Variants in PCDHGB5 observed in about 807,000 individuals in gnomAD.
The protein encoded by PCDHGB5 is protocadherin gamma subfamily B, 5.
Under a neutral mutation model 62.9 loss-of-function variants are expected in PCDHGB5, and 48 were observed. The observed-to-expected ratio is 0.76, with a 90% confidence interval of 0.61 to 0.97. PCDHGB5 has a LOEUF of 0.97. PCDHGB5 is among the 50% of genes least tolerant of loss of function. The probability of loss-of-function intolerance (pLI) is 0.00; values close to 1 mark genes in which losing one functional copy is unlikely to be tolerated. For missense variants in PCDHGB5, 1,118 were observed against 1,198.6 expected (o/e 0.93, Z 0.99); for synonymous variants, 474 against 511.2 (o/e 0.93, Z 0.98).
intron 1 of PCDHGB5, chr5:141,409,926 T>G: frequency 6.2e-7 from 1 of 1,613,344 alleles, no homozygotes; most frequent in Non-Finnish European, 8.5e-7. Flanking sequence ...TCCGCGTTCT[T>G]CGATATGGTA....
chr5:141,485,106 T>C lies in PCDHGB5; in HGVS notation c.2398-9701T>C, dbSNP rs2099607051. The C allele has an allele frequency of 3.3e-6, 4 of 1,206,448 alleles. No homozygotes were observed. Among genetic ancestry groups the C allele is most frequent in the Non-Finnish European group, 4.8e-6 (4 of 828,284 alleles). 74.7% of individuals were successfully genotyped at this position (1,206,448 alleles called of 1,614,324 possible). ...GGGAGATAGGTGTCTCCAGCTGCTGTGGCTGTTTGGGGCGGGTCGGCTTCA... is the reference window on the plus strand; with the variant it reads ...GGGAGATAGGTGTCTCCAGCTGCTGCGGCTGTTTGGGGCGGGTCGGCTTCA... On this transcript the variant is annotated intron_variant, in intron 1 of 3. Coordinates refer to ENST00000617380, the MANE Select transcript of PCDHGB5 (RefSeq NM_018925.3). This position sits in a 1 kb window ranked among gnomAD's most constrained non-coding sequence, Gnocchi z 5.7.
intron 1 of PCDHGB5, chr5:141,413,419 A>C: frequency 6.2e-7 from 1 of 1,614,084 alleles, no homozygotes; most frequent in Non-Finnish European, 8.5e-7. Context: ...TTTCTCTCTG[A>C]ACCCGCGCAG....
intron 3 of PCDHGB5, 43 bp from the exon 4 acceptor site, chr5:141,510,903 GA>G: frequency 6.2e-7 from 1 of 1,613,454 alleles, no homozygotes; most frequent in Non-Finnish European, 8.5e-7. Flanking sequence ...GACTGTTGAG[GA>G]CCCTAAGTTT....
chr5:141,410,202 A>G (rs766392835), intron 1 of PCDHGB5: 2 of 1,614,018 alleles, frequency 1.2e-6, no homozygotes, highest in Non-Finnish European at 1.7e-6. Flanking sequence ...TTCGCAGACA[A>G]CTTGCAAGAG....
Position 141,400,474 on chromosome 5 carries a change from G to A in PCDHGB5, c.2347G>A (p.Ala783Thr). 1 of 1,614,012 alleles carries A rather than the reference G, an allele frequency of 6.2e-7. No homozygotes were observed. The highest frequency in any genetic ancestry group is 8.5e-7 in the Non-Finnish European group (1 of 1,179,882). ...CATACTTTGTGGTGATTCATCTGGG[G>A]CCTTATTTCCACTTTGTAATTCCAG... Reference protein sequence around the residue: ...QDILCGDSSGALFPLCNSSES... With the variant: ...QDILCGDSSGTLFPLCNSSES... Residue 783 changes from alanine to threonine, a missense_variant, in exon 1 of 4, where the codon GCC becomes ACC. Physicochemically the swap from Ala to Thr is moderately conservative, Grantham distance 58. Transcript: ENST00000617380.
At chr5:141,440,605 C>G (rs1214459401) in intron 1 of PCDHGB5, 1 of 152,228 alleles carries the variant, frequency 6.6e-6, no homozygotes, top group East Asian at 1.9e-4. Context: ...TGCAACAGAA[C>G]CTGCAGAAGA....
intron 1 of PCDHGB5, among the ~76,000 whole-genome samples, chr5:141,473,858 C>T (rs569473917): frequency 6.6e-6 from 1 of 152,168 alleles, no homozygotes; most frequent in Non-Finnish European, 1.5e-5. Flanking sequence ...ATGAACCTCG[C>T]TATTGTGGAG....
intron 1 of PCDHGB5, chr5:141,427,842 C>A: frequency 6.5e-7 from 1 of 1,549,268 alleles, no homozygotes. Flanking sequence ...TGCCTTCGAC[C>A]ACGAGCAGCT....
At chr5:141,415,041 G>C in intron 1 of PCDHGB5, 2 of 1,613,530 alleles carry the variant, frequency 1.2e-6, no homozygotes, top group Non-Finnish European at 1.7e-6. Context: ...GACTCTTCGC[G>C]GTGGGGGAGC....
rs1428628914 is a variant in PCDHGB5, at chr5:141,487,223, G to A, written c.2398-7584G>A. 1.2e-6 allele frequency: 2 copies of A among 1,614,076 alleles called. No homozygotes were observed. The highest frequency in any genetic ancestry group is 2.2e-5 in the East Asian group (1 of 44,866). The stretch of plus-strand genomic sequence containing the variant: ...TCTTCGAGAATCTTCAGCTCCAAGG[G>A]AAGGAGAATCTCGTCTAACCCTCTA... On this transcript the variant is annotated intron_variant, in intron 1 of 3. Transcript: ENST00000617380. This position sits in a 1 kb window ranked among gnomAD's most constrained non-coding sequence, Gnocchi z 5.0.
chr5:141,467,042 G>T (rs2099134710), intron 1 of PCDHGB5, among the ~76,000 whole-genome samples: 1 of 149,884 alleles, frequency 6.7e-6, no homozygotes. Context: ...TTTGTGTAAT[G>T]AATCAATGTT....
intron 1 of PCDHGB5, chr5:141,422,014 C>A: frequency 6.2e-7 from 1 of 1,610,158 alleles, no homozygotes; most frequent in Non-Finnish European, 8.5e-7. Flanking sequence ...AACTCGGGTG[C>A]TGATGGTTAA....
intron 1 of PCDHGB5, chr5:141,404,212 C>T: frequency 3.7e-6 from 6 of 1,613,616 alleles, no homozygotes; most frequent in Non-Finnish European, 5.1e-6. Flanking sequence ...AATATAATAT[C>T]ACGGTGACTG....
rs1561869085 is a variant in PCDHGB5, at chr5:141,433,357, GCCTA to G, written c.2397+32834_2397+32837del. On this transcript the variant is annotated intron_variant, in intron 1 of 3. Transcript: ENST00000617380. ...TACAGGTGCAAGCCACCTACTGTCT[GCCTA>G]TCTATCTATCTATCTATCTATCTAT... is the stretch of plus-strand genomic sequence containing the variant. 3 of 568,974 alleles carry G rather than the reference GCCTA, an allele frequency of 5.3e-6. No homozygotes were observed. In the African/African-American group the frequency reaches 6.4e-5, roughly 12 times the overall value. The allele number at this position is 568,974 out of a possible 1,614,324, so 35.2% of individuals were successfully genotyped here.
intron 1 of PCDHGB5, among the ~76,000 whole-genome samples, chr5:141,471,887 G>T (rs1215891997): frequency 6.6e-6 from 1 of 152,152 alleles, no homozygotes; most frequent in African/African-American, 2.4e-5. Context: ...CTGAAGCTAG[G>T]AAGATTGACT....
chr5:141,494,439 C>T (rs1009257996), intron 1 of PCDHGB5, among the ~76,000 whole-genome samples: 1 of 152,126 alleles, frequency 6.6e-6, no homozygotes, highest in Non-Finnish European at 1.5e-5. Flanking sequence ...CCTCCTTTGC[C>T]ACTTTAGGGG....
In PCDHGB5 at chr5:141,418,521, C is replaced by G. The variant is rs1246716171; in HGVS notation, c.2397+17997C>G. The G allele has an allele frequency of 3.7e-6, 6 of 1,613,840 alleles. No individual in the cohort carries two copies. The Admixed American group carries it at 1.0e-4, about 27-fold the overall frequency. On this transcript the variant is annotated intron_variant, in intron 1 of 3. Coordinates refer to ENST00000617380, the MANE Select transcript of PCDHGB5 (RefSeq NM_018925.3). ...ACCGCCTTAGATGGTGGGGACCCTC[C>G]CCGAAGCGGTACTGCTCAGATAAGA...
chr5:141,476,783 G>C lies in PCDHGB5; in HGVS notation c.2398-18024G>C. ...GACGGCGTTGGACGGAGGGACCCCAGCTCTCTCCGCCAGCCTGCCTATTCA... is the reference window on the plus strand; with the variant it reads ...GACGGCGTTGGACGGAGGGACCCCACCTCTCTCCGCCAGCCTGCCTATTCA... On this transcript the variant is annotated intron_variant, in intron 1 of 3. Coordinates refer to ENST00000617380, the MANE Select transcript of PCDHGB5 (RefSeq NM_018925.3). This position sits in a 1 kb window ranked among gnomAD's most constrained non-coding sequence, Gnocchi z 7.6. The C allele has an allele frequency of 6.2e-7, 1 of 1,613,510 alleles. No homozygotes were observed. The highest frequency in any genetic ancestry group is 8.5e-7 in the Non-Finnish European group (1 of 1,180,030).
chr5:141,472,980 C>CAAAAAAAAAAAAAAAAAAAA (rs60579131), intron 1 of PCDHGB5, among the ~76,000 whole-genome samples: 7 of 86,088 alleles, frequency 8.1e-5, no homozygotes, highest in South Asian at 4.3e-4. Flanking sequence ...GAGTGAAACT[C>CAAAAAAAAAAAAAAAAAAAA]AAAAAAAAAA....
Sources: gnomAD v4.1 joint callset for allele counts (sites outside exome capture counted in the v4.1 genomes callset) on GRCh38, gnomAD v4.1.1 for gene constraint, Gnocchi (gnomAD v3.1) non-coding constraint, MANE v1.5 for transcripts, NCBI Gene and HGNC (gene_info 2026-07-23, HGNC 2026-07-21) for gene names.